Variants in WDFY3 observed in about 807,000 individuals in gnomAD.
The protein encoded by WDFY3 is WD repeat and FYVE domain containing 3, also known as WD repeat and FYVE domain-containing protein 3.
WDFY3 carries 66 observed loss-of-function variants against 409.6 expected under a neutral mutation model. The ratio of observed to expected loss-of-function variants is 0.16; its 90% confidence interval spans 0.13 to 0.20. The LOEUF is 0.20. WDFY3 is among the 10% of genes least tolerant of loss of function. WDFY3 has a pLI of 1.00. For synonymous variants in WDFY3, 1,521 were observed against 1,537.1 expected (o/e 0.99, Z 0.25); for missense variants, 3,031 against 4,298.1 (o/e 0.71, Z 8.24).
intron 2 of WDFY3, among the ~76,000 whole-genome samples, chr4:84,929,218 CAACA>C (rs1172301301): frequency 6.6e-6 from 1 of 152,038 alleles, no homozygotes; most frequent in Non-Finnish European, 1.5e-5. Context: ...TCCCTTAGTT[CAACA>C]ATCAGTGAAG....
rs777977863 is a variant in WDFY3 at position 84,679,037 on chromosome 4, T to C, written c.10029A>G (p.Lys3343=). 2 of 1,614,140 alleles carry C rather than the reference T, an allele frequency of 1.2e-6. No individual in the cohort carries two copies. The highest frequency in any genetic ancestry group is 1.3e-5 in the African/African-American group (1 of 74,938). The change falls in exon 65 of 68, where the codon AAA becomes AAG. Residue 3343 remains lysine (K), a synonymous_variant. Coordinates refer to ENST00000295888, the MANE Select transcript of WDFY3 (RefSeq NM_014991.6). ...RWSDQLSLDE[K]DGFIFVNYSE... ...AATAGTTCACAAATATGAAGCCGTC[T>C]TTCTCATCTAGACTGAGCTGGTCGG...
chr4:84,927,250 AC>A (rs1770118192), intron 2 of WDFY3, among the ~76,000 whole-genome samples: 1 of 152,192 alleles, frequency 6.6e-6, no homozygotes, highest in Non-Finnish European at 1.5e-5. Flanking sequence ...TTTAAAAACA[AC>A]CTTTTCTCCA....
At position 84,733,390 on chromosome 4, in the gene WDFY3, T is replaced by C; in HGVS notation, c.7213A>G (p.Asn2405Asp). The change falls in exon 44 of 68, where the codon AAT becomes GAT. Residue 2405 changes from asparagine to aspartate, a missense_variant. By Grantham distance (23) the Asn-to-Asp change is conservative. This residue lies in a region of WDFY3 where 127 missense variants were observed against 144.4 expected (regional missense o/e 0.88). Transcript: ENST00000295888. ...PYVPETEQET[N>D]VASEIPSKQP... ...GAATTCTGCATACTCACCGCCACAT[T>C]TGTCTCTTGCTCAGTTTCTGGCACG... 2 of 1,614,038 alleles carry C rather than the reference T, an allele frequency of 1.2e-6. No individual in the cohort carries two copies. Among genetic ancestry groups the C allele is most frequent in the Non-Finnish European group, 1.7e-6 (2 of 1,179,922 alleles).
chr4:84,695,836 T>G (rs910309701), intron 58 of WDFY3, 134 bp downstream of exon 58: 2 of 874,452 alleles, frequency 2.3e-6, no homozygotes, highest in African/African-American at 3.4e-5. Context: ...TAGGAATCTA[T>G]TGAAATCCTA....
At chr4:84,847,728 C>T (rs1193844060) in intron 5 of WDFY3, among the ~76,000 whole-genome samples, 13 of 138,184 alleles carry the variant, frequency 9.4e-5, no homozygotes, top group Non-Finnish European at 1.8e-4. Flanking sequence ...GAGCTGAGAT[C>T]GCGCCACTGC....
chr4:84,940,515 C>T (rs192757678), intron 1 of WDFY3, among the ~76,000 whole-genome samples: 17 of 152,122 alleles, frequency 1.1e-4, no homozygotes, highest in Admixed American at 1.0e-3. Context: ...AAACCTCTGG[C>T]CCCATTACCT....
Position 84,677,435 on chromosome 4 carries a change from G to A in WDFY3, c.10260-39C>T, listed in dbSNP as rs377409683. The A allele has an allele frequency of 5.9e-6, 9 of 1,515,018 alleles. No individual in the cohort carries two copies. In the African/African-American group the frequency reaches 1.1e-4, roughly 19 times the overall value. The allele number at this position is 1,515,018 out of a possible 1,614,324, so 93.8% of individuals were successfully genotyped here. On this transcript the variant is annotated intron_variant, in intron 66 of 67. Coordinates refer to ENST00000295888, the MANE Select transcript of WDFY3 (RefSeq NM_014991.6). ...GACAGAGGAGGTCACTGCACGGAAG[G>A]CTTCTGTGATCTCCTTCTTGAGGCT...
chr4:84,699,009 C>T (rs1730624787), intron 56 of WDFY3, among the ~76,000 whole-genome samples: 1 of 152,016 alleles, frequency 6.6e-6, no homozygotes, highest in Non-Finnish European at 1.5e-5. Context: ...TTCTTTTACA[C>T]CATTTACTAT....
chr4:84,828,641 G>A (rs1389209727), intron 9 of WDFY3, among the ~76,000 whole-genome samples: 1 of 152,156 alleles, frequency 6.6e-6, no homozygotes. Context: ...GGTGGCTCAT[G>A]ACTGTAATCT....
chr4:84,690,750 T>A (rs1729123370), intron 60 of WDFY3, 86 bp from the exon 61 acceptor site: 2 of 1,447,918 alleles, frequency 1.4e-6, no homozygotes, highest in Non-Finnish European at 9.1e-7. Context: ...TGAGTGAAGG[T>A]GCAGGCACCT....
intron 32 of WDFY3, among the ~76,000 whole-genome samples, chr4:84,763,300 T>C (rs1412218054): frequency 6.6e-6 from 1 of 151,954 alleles, no homozygotes; most frequent in Middle Eastern, 3.2e-3. Flanking sequence ...AAACACCGCA[T>C]GTTCTCACTC....
Position 84,821,303 on chromosome 4 carries a change from T to C in WDFY3, c.1372A>G (p.Ile458Val). Residue 458 changes from isoleucine (I) to valine (V), a missense_variant, in exon 11 of 68, where the codon ATA becomes GTA. This residue lies in a region of WDFY3 where 1,322 missense variants were observed against 1,697.9 expected (regional missense o/e 0.78). Transcript: ENST00000295888. Reference protein sequence around the residue: ...LEFVVFSLNYIPCKELISVSI... With the variant: ...LEFVVFSLNYVPCKELISVSI... The stretch of plus-strand genomic sequence containing the variant: ...ACACTAATAAGTTCTTTACAAGGTA[T>C]ATAATTTAAGCTAAAAACAACAAAC... The C allele has an allele frequency of 6.2e-7, 1 of 1,613,718 alleles. No homozygotes were observed. The highest frequency in any genetic ancestry group is 8.5e-7 in the Non-Finnish European group (1 of 1,179,800).
Position 84,810,010 on chromosome 4 carries a change from G to C in WDFY3, c.2222C>G (p.Thr741Arg). The C allele has an allele frequency of 6.2e-7, 1 of 1,614,180 alleles. No individual in the cohort carries two copies. The highest frequency in any genetic ancestry group is 8.5e-7 in the Non-Finnish European group (1 of 1,180,006). ...CTCTAAAAGTCTTTGAAATGGCTGT[G>C]TATTTGAGGGGAAGACATTCATGGC... ...ISAMNVFPSNTQPFQRLLEED... is the reference protein window; with the variant it reads ...ISAMNVFPSNRQPFQRLLEED... Residue 741 changes from threonine to arginine, a missense_variant, in exon 14 of 68, where the codon ACA becomes AGA. Thr to Arg is a moderately conservative substitution (Grantham distance 71, BLOSUM62 -1). Around this residue, in one of 16 missense-constraint regions of WDFY3, gnomAD observed 1,322 missense variants for 1,697.9 expected, o/e 0.78. Coordinates refer to ENST00000295888, the MANE Select transcript of WDFY3 (RefSeq NM_014991.6).
rs543044814 is a variant in WDFY3, at chr4:84,853,917, G to A, written c.181-3892C>T. 7.9e-5 allele frequency among the ~76,000 whole-genome samples: 12 copies of A among 152,250 alleles called. No homozygotes were observed. In the East Asian group the frequency reaches 2.1e-3, roughly 27 times the overall value. On this transcript the variant is annotated intron_variant, in intron 4 of 67. Coordinates refer to ENST00000295888, the MANE Select transcript of WDFY3 (RefSeq NM_014991.6). ...CTAGTATATGTGCCAGGCAATGTTC[G>A]AAGGGTCCTGAATACAAAGGTAAAT...
chr4:84,820,285 GT>G (rs1753871401), intron 11 of WDFY3, 99 bp from the exon 12 acceptor site: 2 of 964,454 alleles, frequency 2.1e-6, no homozygotes, highest in Non-Finnish European at 3.0e-6. Context: ...TCAGTATTCA[GT>G]TTTACCCCTA....
At chr4:84,699,548 C>A (rs752925168) in intron 56 of WDFY3, among the ~76,000 whole-genome samples, 1 of 152,106 alleles carries the variant, frequency 6.6e-6, no homozygotes, top group Non-Finnish European at 1.5e-5. Flanking sequence ...ACTTGAGTTG[C>A]GTTTTCAATT....
At chr4:84,798,292 CAT>C (rs35396087) in intron 17 of WDFY3, among the ~76,000 whole-genome samples, 184 bp from the exon 18 acceptor site, 5,059 of 152,022 alleles carry the variant, frequency 0.033, 88 homozygotes, top group South Asian at 0.05. Flanking sequence ...ATATCTGACA[CAT>C]ATTTTTTAGA....
intron 63 of WDFY3, among the ~76,000 whole-genome samples, chr4:84,683,113 G>A (rs1164254711): frequency 1.3e-5 from 2 of 152,128 alleles, no homozygotes; most frequent in Non-Finnish European, 2.9e-5. Flanking sequence ...GAATCCCCAG[G>A]TGCCTGGCTA....
intron 45 of WDFY3, among the ~76,000 whole-genome samples, chr4:84,725,797 A>G (rs1279903720): frequency 6.6e-6 from 1 of 152,176 alleles, no homozygotes; most frequent in East Asian, 1.9e-4. Flanking sequence ...AAAGTGGAAA[A>G]CAAGTGTCCT....
Sources: gnomAD v4.1 joint callset for allele counts (sites outside exome capture counted in the v4.1 genomes callset) on GRCh38, gnomAD v4.1.1 for gene constraint, gnomAD v4.1.1 regional missense constraint, MANE v1.5 for transcripts, NCBI Gene and HGNC (gene_info 2026-07-23, HGNC 2026-07-21) for gene names.